The following MERTK variants were observed in gnomAD, a reference collection of about 807,000 sequenced individuals.
MERTK encodes the protein MER proto-oncogene, tyrosine kinase.
Under a neutral mutation model 99.3 loss-of-function variants are expected in MERTK, and 69 were observed. The ratio of observed to expected loss-of-function variants is 0.70; its 90% CI spans 0.57 to 0.85. The LOEUF is 0.85. Among genes scored for constraint, MERTK ranks in the 40% least tolerant of loss-of-function variants. The probability of loss-of-function intolerance (pLI) is 0.00; values close to 1 mark genes in which losing one functional copy is unlikely to be tolerated. For missense variants in MERTK, 1,125 were observed against 1,249.4 expected, an observed-to-expected ratio of 0.90 and a Z score of 1.50; for synonymous variants, 426 against 467.6, an observed-to-expected ratio of 0.91 and a Z score of 1.15.
chr2:111,949,995 TG>T (rs1685027030), intron 4 of MERTK, among the ~76,000 whole-genome samples: 1 of 152,176 alleles, frequency 6.6e-6, no homozygotes. Flanking sequence ...TGGAGTGCAG[TG>T]GCTCAATCTT....
intron 2 of MERTK, chr2:111,940,533 T>G (rs1684843254): frequency 1.6e-6 from 1 of 609,716 alleles, no homozygotes; most frequent in Non-Finnish European, 3.2e-6. Context: ...CTTTAGCAAC[T>G]GCATCCTGTG....
intron 15 of MERTK, among the ~76,000 whole-genome samples, chr2:112,010,581 G>T (rs1677078591): frequency 6.6e-6 from 1 of 152,274 alleles, no homozygotes; most frequent in South Asian, 2.1e-4. Context: ...GGGAATGTTG[G>T]ATGTAGCTGT....
rs1037487896 is a variant in MERTK at position 111,989,481 on chromosome 2, C to T, written c.1297-4770C>T. Among the ~76,000 whole-genome samples the T allele has an allele frequency of 2.6e-5, 4 of 152,064 alleles. No individual in the cohort carries two copies. In the East Asian group the frequency reaches 7.8e-4, roughly 30 times the overall value. On this transcript the variant is annotated intron_variant, in intron 8 of 18. Transcript: ENST00000295408. ...ACGCCATTCTCCTGCCTCAGCCTCC[C>T]GAGTACTGGGACTACAGGCGCCCGC...
At chr2:112,000,104 C>T (rs1676838290) in intron 10 of MERTK, among the ~76,000 whole-genome samples, 1 of 152,132 alleles carries the variant, frequency 6.6e-6, no homozygotes, top group Admixed American at 6.5e-5. Context: ...AGGAACAAAT[C>T]ACAATGGTGG....
chr2:111,909,012 A>T (rs1001405540), intron 1 of MERTK, among the ~76,000 whole-genome samples: 1 of 152,258 alleles, frequency 6.6e-6, no homozygotes, highest in Non-Finnish European at 1.5e-5. Context: ...ACAGATAAAT[A>T]TATGAAAAAA....
intron 1 of MERTK, among the ~76,000 whole-genome samples, chr2:111,905,122 C>T (rs914627964): frequency 1.3e-5 from 2 of 152,214 alleles, no homozygotes; most frequent in African/African-American, 4.8e-5. Flanking sequence ...GGCACTTCCT[C>T]CCTCCTAGGC....
intron 18 of MERTK, among the ~76,000 whole-genome samples, chr2:112,024,347 A>C (rs1348989069): frequency 6.6e-6 from 1 of 152,262 alleles, no homozygotes; most frequent in African/African-American, 2.4e-5. Flanking sequence ...TTTTAGAGCC[A>C]AAACAAGTGA....
chr2:111,982,796 G>A (rs1996323), intron 7 of MERTK, 46 bp from the exon 8 acceptor site: 982,014 of 1,602,530 alleles, frequency 0.61, 305,044 homozygotes, highest in African/African-American at 0.66. Flanking sequence ...ATACATCTGT[G>A]TGTGCTTTGT....
At chr2:111,985,952 C>A (rs955656724) in intron 8 of MERTK, among the ~76,000 whole-genome samples, 1 of 152,196 alleles carries the variant, frequency 6.6e-6, no homozygotes, top group Non-Finnish European at 1.5e-5. Flanking sequence ...TGAGCAGATG[C>A]ATCCACTGAT....
intron 10 of MERTK, among the ~76,000 whole-genome samples, chr2:111,998,433 A>T (rs1168404672): frequency 6.6e-6 from 1 of 152,256 alleles, no homozygotes; most frequent in Non-Finnish European, 1.5e-5. Context: ...GGCACTGGGC[A>T]CTGCGGTAGC....
intron 6 of MERTK, among the ~76,000 whole-genome samples, chr2:111,968,955 C>A (rs1226336118): frequency 6.6e-6 from 1 of 152,192 alleles, no homozygotes; most frequent in Non-Finnish European, 1.5e-5. Context: ...AGGGCCAGGA[C>A]AAGATAGGTC....
intron 1 of MERTK, among the ~76,000 whole-genome samples, chr2:111,902,293 G>A (rs944020101): frequency 6.6e-6 from 1 of 152,228 alleles, no homozygotes; most frequent in African/African-American, 2.4e-5. Context: ...ATCTTTTTAT[G>A]CCTGTGAATT....
chr2:111,947,308 A>G, intron 3 of MERTK, 86 bp from the exon 4 acceptor site: 2 of 1,321,086 alleles, frequency 1.5e-6, no homozygotes, highest in Admixed American at 1.8e-5. Flanking sequence ...TCTATTGCCA[A>G]GTTCTAGTCC....
At chr2:112,002,956 G>A in intron 11 of MERTK, 136 bp from the exon 12 acceptor site, 1 of 556,682 alleles carries the variant, frequency 1.8e-6, no homozygotes, top group Non-Finnish European at 3.4e-6. Flanking sequence ...CTGGGCAACA[G>A]AGCTAGACTC....
chr2:112,025,468 C>T (rs1299613264), intron 18 of MERTK, among the ~76,000 whole-genome samples: 2 of 152,178 alleles, frequency 1.3e-5, no homozygotes, highest in Non-Finnish European at 2.9e-5. Context: ...TCTTGTCTGC[C>T]CCAAGAACCC....
chr2:111,934,419 C>G (rs184215494), intron 2 of MERTK, among the ~76,000 whole-genome samples: 1 of 152,312 alleles, frequency 6.6e-6, no homozygotes, highest in African/African-American at 2.4e-5. Flanking sequence ...GCCATTTAAA[C>G]TGGTGTGAGA....
At chr2:111,970,785 TCCCTCCTCCTCCTCCC>T (rs1441534305) in intron 6 of MERTK, among the ~76,000 whole-genome samples, 13,848 of 35,204 alleles carry the variant, frequency 0.39, 2,158 homozygotes, top group Middle Eastern at 0.46. Context: ...CTCCTCCTCC[TCCCTCCTCCTCCTCCC>T]CCCTCCTCCT....
intron 8 of MERTK, among the ~76,000 whole-genome samples, chr2:111,992,572 G>A (rs1458065795): frequency 6.6e-6 from 1 of 151,996 alleles, no homozygotes; most frequent in Non-Finnish European, 1.5e-5. Context: ...CCAACATGGT[G>A]AAACCCCGTC....
chr2:111,951,160 CAG>C (rs1429511093), intron 4 of MERTK, among the ~76,000 whole-genome samples: 1 of 151,216 alleles, frequency 6.6e-6, no homozygotes, highest in Non-Finnish European at 1.5e-5. Flanking sequence ...AGGGAGGCGA[CAG>C]GGGAGGGCAT....
Sources: allele counts gnomAD v4.1 joint callset (sites outside exome capture counted in the v4.1 genomes callset), GRCh38; gene constraint gnomAD v4.1.1; transcripts MANE v1.5; gene names NCBI Gene and HGNC (gene_info 2026-07-23, HGNC 2026-07-21).